CACNB4: variants seen among roughly 807,000 people sequenced by gnomAD.
The protein encoded by CACNB4 is calcium voltage-gated channel auxiliary subunit beta 4.
Under a neutral mutation model 71.2 loss-of-function variants are expected in CACNB4, and 32 were observed. The ratio of observed to expected loss-of-function variants is 0.45; its 90% confidence interval spans 0.34 to 0.60. CACNB4 has a LOEUF of 0.60. CACNB4 is among the 20% of genes least tolerant of loss of function. The pLI, the probability that CACNB4 is intolerant of heterozygous loss-of-function variation, is 0.01. For missense variants in CACNB4, 464 were observed against 647.9 expected, an observed-to-expected ratio of 0.72 and a Z score of 3.08; for synonymous variants, 231 against 236.9, an observed-to-expected ratio of 0.97 and a Z score of 0.23.
intron 2 of CACNB4, among the ~76,000 whole-genome samples, chr2:152,062,242 G>GA (rs543048531): frequency 1.2e-4 from 18 of 150,306 alleles, no homozygotes; most frequent in South Asian, 2.1e-4. Context: ...ACAACAGATA[G>GA]AAAAAAAAAC....
At chr2:151,979,468 A>G (rs950268504) in intron 2 of CACNB4, among the ~76,000 whole-genome samples, 1 of 152,144 alleles carries the variant, frequency 6.6e-6, no homozygotes, top group Non-Finnish European at 1.5e-5. Context: ...TTAAAAAAAA[A>G]AAAAAGAGCC....
intron 2 of CACNB4, among the ~76,000 whole-genome samples, chr2:151,958,085 G>A (rs756537028): frequency 3.3e-5 from 5 of 152,168 alleles, no homozygotes; most frequent in Non-Finnish European, 7.3e-5. Context: ...AAGCTTATTT[G>A]ACTAGGGACC....
intron 2 of CACNB4, chr2:151,967,946 T>C (rs1166439968): frequency 1.3e-5 from 2 of 152,206 alleles, no homozygotes; most frequent in African/African-American, 4.8e-5. Flanking sequence ...TATAAAAGAA[T>C]ATAAAATGTA....
intron 2 of CACNB4, among the ~76,000 whole-genome samples, chr2:152,080,128 T>C (rs1458267976): frequency 7.3e-6 from 1 of 137,552 alleles, no homozygotes; most frequent in Non-Finnish European, 1.5e-5. Context: ...ATTTACTGTC[T>C]TTTTTTTTTT....
intron 2 of CACNB4, among the ~76,000 whole-genome samples, chr2:151,960,421 A>G (rs1380949538): frequency 6.6e-6 from 1 of 152,212 alleles, no homozygotes; most frequent in African/African-American, 2.4e-5. Context: ...CACTGCTAAA[A>G]GCAAGGAGAA....
intron 2 of CACNB4, among the ~76,000 whole-genome samples, chr2:151,899,863 G>A (rs1272879417): frequency 6.6e-6 from 1 of 152,150 alleles, no homozygotes. Flanking sequence ...ATAAGACACG[G>A]TCCTTGCCTA....
chr2:151,860,887 A>T (rs2099841463), intron 9 of CACNB4, 67 bp from the exon 10 acceptor site: 1 of 1,008,690 alleles, frequency 9.9e-7, no homozygotes, highest in African/African-American at 1.6e-5. Context: ...AGTGATTTAT[A>T]ACCACAGTAC....
At chr2:151,968,337 A>G (rs998471798) in intron 2 of CACNB4, 6 of 152,250 alleles carry the variant, frequency 3.9e-5, no homozygotes, top group African/African-American at 1.4e-4. Context: ...GCCGATGTAG[A>G]TGAGAACACA....
intron 2 of CACNB4, among the ~76,000 whole-genome samples, chr2:152,086,622 C>A (rs1687674708): frequency 6.6e-6 from 1 of 152,192 alleles, no homozygotes; most frequent in Admixed American, 6.5e-5. Context: ...AACATCTAGA[C>A]AAACTAAAGG....
chr2:152,040,312 T>C (rs1684809492), intron 2 of CACNB4, among the ~76,000 whole-genome samples: 1 of 152,222 alleles, frequency 6.6e-6, no homozygotes, highest in Non-Finnish European at 1.5e-5. Context: ...TAAATATCTA[T>C]CATTAAATCT....
intron 2 of CACNB4, chr2:151,971,358 G>T: frequency 1.6e-6 from 1 of 607,244 alleles, no homozygotes; most frequent in African/African-American, 1.8e-5. Context: ...ATTTTCAACA[G>T]CACAGAACGG....
At chr2:152,068,256 G>C (rs117136031) in intron 2 of CACNB4, among the ~76,000 whole-genome samples, 2 of 152,232 alleles carry the variant, frequency 1.3e-5, no homozygotes, top group East Asian at 1.9e-4. Flanking sequence ...CCTTCCTCTT[G>C]CTAGAGGAGA....
chr2:152,009,188 CA>C (rs756023829), intron 2 of CACNB4, among the ~76,000 whole-genome samples: 10,512 of 79,952 alleles, frequency 0.13, 302 homozygotes, highest in African/African-American at 0.14. Context: ...GACCCTGTCT[CA>C]AAAAAAAAAA....
At chr2:151,954,499 T>C (rs1348054908) in intron 2 of CACNB4, among the ~76,000 whole-genome samples, 1 of 152,230 alleles carries the variant, frequency 6.6e-6, no homozygotes, top group Non-Finnish European at 1.5e-5. Context: ...TGTACCTTTA[T>C]GTGTCTGATT....
At chr2:152,055,150 T>G (rs1685659545) in intron 2 of CACNB4, among the ~76,000 whole-genome samples, 1 of 152,202 alleles carries the variant, frequency 6.6e-6, no homozygotes, top group Admixed American at 6.5e-5. Context: ...TAGCTGGGAC[T>G]ATAGGCACAT....
Position 151,876,408 on chromosome 2 carries a change from G to A in CACNB4, c.521+18C>T. ...TTTTCTGACCAAAAAAAAGTGCATA[G>A]AAAAGATGGGAACGTACCCTCCGTG... On this transcript the variant is annotated intron_variant, in intron 5 of 13. Transcript: ENST00000539935. The A allele has an allele frequency of 6.3e-7, 1 of 1,587,952 alleles. No individual in the cohort carries two copies. Among genetic ancestry groups the A allele is most frequent in the Non-Finnish European group, 8.6e-7 (1 of 1,165,360 alleles).
At chr2:152,057,648 A>G (rs549289193) in intron 2 of CACNB4, among the ~76,000 whole-genome samples, 1 of 152,152 alleles carries the variant, frequency 6.6e-6, no homozygotes, top group South Asian at 2.1e-4. Context: ...CATGACACCC[A>G]TTTCAGGTTT....
At chr2:151,869,865 G>A (rs1245277168) in intron 8 of CACNB4, 5 of 287,700 alleles carry the variant, frequency 1.7e-5, no homozygotes, top group South Asian at 1.1e-4. Flanking sequence ...GTCCTAGCTC[G>A]ATGGGAATGG....
intron 13 of CACNB4, among the ~76,000 whole-genome samples, chr2:151,840,422 T>C (rs1188242507): frequency 6.6e-6 from 1 of 152,234 alleles, no homozygotes; most frequent in Non-Finnish European, 1.5e-5. Context: ...AAGATTGTTG[T>C]ATTCAATATA....
Sources: allele counts gnomAD v4.1 joint callset (sites outside exome capture counted in the v4.1 genomes callset), GRCh38; gene constraint gnomAD v4.1.1; transcripts MANE v1.5; gene names NCBI Gene and HGNC (gene_info 2026-07-23, HGNC 2026-07-21).